The following ADAMTS17 variants were observed in gnomAD, a reference collection of about 807,000 sequenced individuals.
The protein encoded by ADAMTS17 is ADAM metallopeptidase with thrombospondin type 1 motif 17, also known as A disintegrin and metalloproteinase with thrombospondin motifs 17.
Under a neutral mutation model 141.5 loss-of-function variants are expected in ADAMTS17, and 113 were observed. That is an observed-to-expected ratio of 0.80 (90% CI 0.69 to 0.93). The LOEUF (loss-of-function observed/expected upper bound fraction) is 0.93. Ranked by LOEUF, ADAMTS17 falls within the 40% of genes least tolerant of loss-of-function variation. The pLI is 0.00. For missense variants in ADAMTS17, 1,659 were observed against 1,517.9 expected, an observed-to-expected ratio of 1.09 and a Z score of -1.54; for synonymous variants, 768 against 630.6, an observed-to-expected ratio of 1.22 and a Z score of -3.27.
At chr15:99,994,916 T>C (rs1376899223) in intron 19 of ADAMTS17, among the ~76,000 whole-genome samples, 1 of 152,234 alleles carries the variant, frequency 6.6e-6, no homozygotes, top group Non-Finnish European at 1.5e-5. Context: ...CCATGGGGTT[T>C]TCTTTCAAGG....
chr15:100,089,964 C>G (rs1451308700), intron 15 of ADAMTS17, among the ~76,000 whole-genome samples: 2 of 149,118 alleles, frequency 1.3e-5, no homozygotes, highest in Non-Finnish European at 3.0e-5. Flanking sequence ...CACATGTACC[C>G]TAGAACTTAA....
At chr15:100,257,431 G>T (rs568300529) in intron 6 of ADAMTS17, among the ~76,000 whole-genome samples, 12 of 152,356 alleles carry the variant, frequency 7.9e-5, no homozygotes, top group African/African-American at 2.6e-4. Context: ...GACGTGCACT[G>T]ATCTGTTCAG....
chr15:100,141,141 G>A (rs2038628555), intron 10 of ADAMTS17, among the ~76,000 whole-genome samples: 1 of 152,218 alleles, frequency 6.6e-6, no homozygotes, highest in Non-Finnish European at 1.5e-5. Context: ...CTTACGGTTT[G>A]TCAAGAGTCA....
At chr15:100,004,673 T>C (rs2061002957) in intron 18 of ADAMTS17, among the ~76,000 whole-genome samples, 1 of 144,360 alleles carries the variant, frequency 6.9e-6, no homozygotes, top group African/African-American at 2.6e-5. Context: ...CAGGCTGGAG[T>C]GCAATGGCGC....
intron 4 of ADAMTS17, among the ~76,000 whole-genome samples, chr15:100,278,327 C>CAAT (rs1161650187): frequency 4.9e-5 from 5 of 101,040 alleles, no homozygotes; most frequent in African/African-American, 1.8e-4. Context: ...CATTCTACCA[C>CAAT]AAAAAAAAAA....
At chr15:100,080,349 G>C (rs1168834650) in intron 15 of ADAMTS17, among the ~76,000 whole-genome samples, 1 of 152,134 alleles carries the variant, frequency 6.6e-6, no homozygotes, top group African/African-American at 2.4e-5. Flanking sequence ...GACTGACCTG[G>C]ACTATCAAGA....
At chr15:100,284,090 G>A (rs1478899236) in intron 3 of ADAMTS17, among the ~76,000 whole-genome samples, 1 of 150,992 alleles carries the variant, frequency 6.6e-6, no homozygotes, top group Non-Finnish European at 1.5e-5. Context: ...GGGCGACAGA[G>A]CAAGATTCCA....
chr15:100,208,618 ATCAT>A (rs1435406906), intron 7 of ADAMTS17, among the ~76,000 whole-genome samples: 3 of 152,262 alleles, frequency 2.0e-5, no homozygotes, highest in Non-Finnish European at 4.4e-5. Flanking sequence ...GATCCAGGTC[ATCAT>A]TCATCATTAC....
At chr15:100,273,954 T>A (rs750340340) in intron 4 of ADAMTS17, among the ~76,000 whole-genome samples, 3 of 152,226 alleles carry the variant, frequency 2.0e-5, no homozygotes, top group Admixed American at 6.5e-5. Context: ...TATTTAATAG[T>A]ATGTGGTTTA....
At chr15:100,195,613 CAAA>C (rs71287815) in intron 8 of ADAMTS17, among the ~76,000 whole-genome samples, 3 of 63,636 alleles carry the variant, frequency 4.7e-5, no homozygotes, top group East Asian at 4.8e-4. Context: ...TGTTTGGTCT[CAAA>C]AAAAAAAAAA....
chr15:100,191,870 G>T (rs1210032404), intron 8 of ADAMTS17, among the ~76,000 whole-genome samples: 1 of 151,232 alleles, frequency 6.6e-6, no homozygotes, highest in African/African-American at 2.4e-5. Flanking sequence ...ACAGTCGCAA[G>T]CTCATTCTAT....
At chr15:100,247,605 CAT>C (rs2043027581) in intron 7 of ADAMTS17, among the ~76,000 whole-genome samples, 1 of 152,168 alleles carries the variant, frequency 6.6e-6, no homozygotes, top group Admixed American at 6.5e-5. Context: ...GGCCCGTTTT[CAT>C]ATGTTTGTGT....
chr15:100,099,743 T>G (rs76419339), intron 14 of ADAMTS17, among the ~76,000 whole-genome samples: 6 of 139,738 alleles, frequency 4.3e-5, no homozygotes, highest in Non-Finnish European at 7.8e-5. Flanking sequence ...CATGGGATGG[T>G]ATGAGATGGT....
intron 18 of ADAMTS17, among the ~76,000 whole-genome samples, chr15:100,019,810 C>T (rs1017891046): frequency 2.0e-5 from 3 of 152,178 alleles, no homozygotes; most frequent in African/African-American, 4.8e-5. Flanking sequence ...CAGCAGCTGC[C>T]GTGGTTCTGA....
At chr15:100,081,295 G>A (rs567666652) in intron 15 of ADAMTS17, among the ~76,000 whole-genome samples, 8 of 152,208 alleles carry the variant, frequency 5.3e-5, no homozygotes, top group South Asian at 2.1e-4. Context: ...CTCAGCTTGC[G>A]GACAGCCTAT....
intron 15 of ADAMTS17, among the ~76,000 whole-genome samples, chr15:100,054,574 C>T (rs779016346): frequency 6.6e-6 from 1 of 152,170 alleles, no homozygotes. Flanking sequence ...ATCTGATATC[C>T]CCCCATTACT....
chr15:100,298,613 G>A (rs985923049), intron 3 of ADAMTS17, among the ~76,000 whole-genome samples: 1 of 152,174 alleles, frequency 6.6e-6, no homozygotes, highest in Non-Finnish European at 1.5e-5. Context: ...GAGAAAGAAA[G>A]GGAAATCATA....
chr15:100,089,762 C>G (rs1299922117), intron 15 of ADAMTS17, among the ~76,000 whole-genome samples: 1 of 141,900 alleles, frequency 7.0e-6, no homozygotes, highest in Non-Finnish European at 1.5e-5. Flanking sequence ...TGTTCTCACT[C>G]AAAGGTGGGA....
chr15:100,047,071 A>AT (rs2031751584), intron 18 of ADAMTS17, among the ~76,000 whole-genome samples: 1 of 152,008 alleles, frequency 6.6e-6, no homozygotes, highest in African/African-American at 2.4e-5. Flanking sequence ...GTAGGCCTCT[A>AT]AAATGGCCCC....
Sources: gnomAD v4.1 joint callset for allele counts (sites outside exome capture counted in the v4.1 genomes callset) on GRCh38, gnomAD v4.1.1 for gene constraint, MANE v1.5 for transcripts, NCBI Gene and HGNC (gene_info 2026-07-23, HGNC 2026-07-21) for gene names.